The following CAMKMT variants were observed in gnomAD, a reference collection of about 807,000 sequenced individuals.
CAMKMT encodes the protein calmodulin-lysine N-methyltransferase.
Under a neutral mutation model 48.0 loss-of-function variants are expected in CAMKMT, and 53 were observed. The ratio of observed to expected loss-of-function variants is 1.10; its 90% CI spans 0.89 to 1.39. The LOEUF is 1.39. Ranked by LOEUF, CAMKMT falls within the 40% of genes most tolerant of loss-of-function variation. The probability of loss-of-function intolerance (pLI) is 0.00; values close to 1 mark genes in which losing one functional copy is unlikely to be tolerated. For synonymous variants in CAMKMT, 165 were observed against 152.3 expected, an observed-to-expected ratio of 1.08 and a Z score of -0.61; for missense variants, 428 against 402.7, an observed-to-expected ratio of 1.06 and a Z score of -0.54.
chr2:44,471,808 G>T (rs928199954), intron 3 of CAMKMT, among the ~76,000 whole-genome samples: 1 of 152,018 alleles, frequency 6.6e-6, no homozygotes, highest in South Asian at 2.1e-4. Context: ...AGCCTCCCGT[G>T]TGGCTGAGAT....
intron 3 of CAMKMT, among the ~76,000 whole-genome samples, chr2:44,462,530 C>A (rs698796): frequency 0.62 from 93,891 of 151,828 alleles, 29,671 homozygotes; most frequent in Admixed American, 0.69. Flanking sequence ...AATAATAGAT[C>A]TAAATTCCTT....
chr2:44,629,576 C>G (rs1168110249), intron 3 of CAMKMT, among the ~76,000 whole-genome samples: 1 of 151,686 alleles, frequency 6.6e-6, no homozygotes, highest in African/African-American at 2.4e-5. Context: ...GTAGCGGGGA[C>G]TACAGGTGCA....
At chr2:44,407,770 A>G (rs1682883339) in intron 3 of CAMKMT, among the ~76,000 whole-genome samples, 2 of 152,162 alleles carry the variant, frequency 1.3e-5, no homozygotes, top group South Asian at 4.1e-4. Context: ...TAAAATAATG[A>G]TAGGCAGCTG....
At chr2:44,418,929 G>A (rs1161049460) in intron 3 of CAMKMT, among the ~76,000 whole-genome samples, 1 of 151,942 alleles carries the variant, frequency 6.6e-6, no homozygotes, top group Non-Finnish European at 1.5e-5. Context: ...GTAAAGTTTT[G>A]TATTTTTCAT....
At chr2:44,700,641 C>G (rs755245945) in intron 3 of CAMKMT, among the ~76,000 whole-genome samples, 4 of 152,154 alleles carry the variant, frequency 2.6e-5, no homozygotes, top group Non-Finnish European at 4.4e-5. Context: ...TGCTAGCTAT[C>G]TTATATGGAC....
intron 3 of CAMKMT, among the ~76,000 whole-genome samples, chr2:44,503,695 C>A (rs1357889602): frequency 6.6e-6 from 1 of 152,092 alleles, no homozygotes; most frequent in Admixed American, 6.5e-5. Flanking sequence ...TGTCCAAACC[C>A]AGTGTGACAG....
At chr2:44,756,673 C>T (rs543498309) in intron 9 of CAMKMT, among the ~76,000 whole-genome samples, 44 of 149,892 alleles carry the variant, frequency 2.9e-4, no homozygotes, top group African/African-American at 1.1e-3. Flanking sequence ...ACCCTGGAGG[C>T]GGAGCTTGCA....
At chr2:44,646,915 C>T (rs1470924945) in intron 3 of CAMKMT, among the ~76,000 whole-genome samples, 1 of 152,174 alleles carries the variant, frequency 6.6e-6, no homozygotes, top group East Asian at 1.9e-4. Flanking sequence ...GGTCTGTGCT[C>T]TTCTCCAGTT....
chr2:44,444,037 T>C (rs1460612942), intron 3 of CAMKMT, among the ~76,000 whole-genome samples: 1 of 152,068 alleles, frequency 6.6e-6, no homozygotes, highest in Non-Finnish European at 1.5e-5. Context: ...TTGGAAGAGG[T>C]CTTTGAAGGA....
chr2:44,743,574 T>A, intron 7 of CAMKMT, 48 bp from the exon 8 acceptor site: 2 of 1,407,932 alleles, frequency 1.4e-6, no homozygotes, highest in Non-Finnish European at 2.0e-6. Context: ...AAAATCAAAA[T>A]TTAAAAAAAA....
intron 3 of CAMKMT, among the ~76,000 whole-genome samples, chr2:44,531,885 T>C (rs1666502723): frequency 6.6e-6 from 1 of 152,194 alleles, no homozygotes; most frequent in Non-Finnish European, 1.5e-5. Context: ...AGTTTTAAAG[T>C]GCTATAATTC....
At chr2:44,760,087 G>A (rs1297760009) in intron 9 of CAMKMT, among the ~76,000 whole-genome samples, 1 of 152,088 alleles carries the variant, frequency 6.6e-6, no homozygotes, top group East Asian at 1.9e-4. Flanking sequence ...AGCACTGTGG[G>A]AATCTCATAG....
rs1291817349 is a variant in CAMKMT at position 44,361,997 on chromosome 2, G to T, written c.-11G>T. ...GCGGTGGCACCTCCGGGTGTGGAAGGCTCCAGTGAGATGGAGTCGCGAGTC... is the reference window on the plus strand; with the variant it reads ...GCGGTGGCACCTCCGGGTGTGGAAGTCTCCAGTGAGATGGAGTCGCGAGTC... On this transcript the variant is annotated 5_prime_UTR_variant, in exon 1 of 11. Transcript: ENST00000378494. 17 of 1,395,942 alleles carry T rather than the reference G, an allele frequency of 1.2e-5. No individual in the cohort carries two copies. Among genetic ancestry groups the T allele is most frequent in the Non-Finnish European group, 1.3e-5 (14 of 1,080,950 alleles). The allele number at this position is 1,395,942 out of a possible 1,614,324, so 86.5% of individuals were successfully genotyped here.
chr2:44,507,804 C>T (rs1316907731), intron 3 of CAMKMT, among the ~76,000 whole-genome samples: 1 of 152,124 alleles, frequency 6.6e-6, no homozygotes, highest in African/African-American at 2.4e-5. Context: ...CTTACTGCTT[C>T]CTTCATCAAG....
intron 3 of CAMKMT, among the ~76,000 whole-genome samples, chr2:44,631,233 T>A (rs1487654151): frequency 4.0e-5 from 6 of 151,878 alleles, no homozygotes; most frequent in African/African-American, 1.2e-4. Flanking sequence ...AACATCACAC[T>A]CTGGGGACTG....
chr2:44,503,650 C>T (rs940120281), intron 3 of CAMKMT, among the ~76,000 whole-genome samples: 11 of 152,098 alleles, frequency 7.2e-5, no homozygotes, highest in African/African-American at 2.4e-4. Context: ...AAAAAAGAAT[C>T]GCTTCTAGGC....
At chr2:44,726,262 C>G (rs1183299149) in intron 7 of CAMKMT, among the ~76,000 whole-genome samples, 1 of 152,156 alleles carries the variant, frequency 6.6e-6, no homozygotes, top group African/African-American at 2.4e-5. Flanking sequence ...TGTAAGCGTT[C>G]CCTTTTCTCC....
intron 3 of CAMKMT, among the ~76,000 whole-genome samples, chr2:44,501,033 C>G (rs1435961782): frequency 1.3e-5 from 2 of 148,976 alleles, no homozygotes; most frequent in East Asian, 2.2e-4. Flanking sequence ...TTAGCAATTT[C>G]TTAGCTTTTT....
At chr2:44,578,917 T>C (rs1286571581) in intron 3 of CAMKMT, among the ~76,000 whole-genome samples, 1 of 152,174 alleles carries the variant, frequency 6.6e-6, no homozygotes, top group Non-Finnish European at 1.5e-5. Context: ...TAGCACTGAT[T>C]AAAAGTGAAA....
Sources: gnomAD v4.1 joint callset for allele counts (sites outside exome capture counted in the v4.1 genomes callset) on GRCh38, gnomAD v4.1.1 for gene constraint, MANE v1.5 for transcripts, NCBI Gene and HGNC (gene_info 2026-07-23, HGNC 2026-07-21) for gene names.